SPOCK3: variants seen among roughly 807,000 people sequenced by gnomAD.
The protein encoded by SPOCK3 is testican-3.
Under a neutral mutation model 56.6 loss-of-function variants are expected in SPOCK3, and 30 were observed. That is an observed-to-expected ratio of 0.53 (90% CI 0.40 to 0.72). The LOEUF (loss-of-function observed/expected upper bound fraction) is 0.72. Ranked by LOEUF, SPOCK3 falls within the 30% of genes least tolerant of loss-of-function variation. The pLI is 0.00. For synonymous variants in SPOCK3, 196 were observed against 183.3 expected, an observed-to-expected ratio of 1.07 and a Z score of -0.56; for missense variants, 527 against 530.0, an observed-to-expected ratio of 0.99 and a Z score of 0.06.
intron 6 of SPOCK3, among the ~76,000 whole-genome samples, chr4:166,824,826 A>G (rs150019572): frequency 5.8e-4 from 88 of 152,188 alleles, no homozygotes; most frequent in Non-Finnish European, 1.1e-3. Context: ...CATTATTTTT[A>G]CGTAATTGAC....
At chr4:167,122,098 TTTCTC>T (rs201725668) in intron 2 of SPOCK3, among the ~76,000 whole-genome samples, 2,055 of 151,532 alleles carry the variant, frequency 0.014, 51 homozygotes, top group African/African-American at 0.047. Flanking sequence ...TCTTTTTTCT[TTTCTC>T]TTCTCTTCTC....
chr4:166,745,143 C>T (rs1366775012), intron 8 of SPOCK3, among the ~76,000 whole-genome samples: 1 of 152,102 alleles, frequency 6.6e-6, no homozygotes, highest in Non-Finnish European at 1.5e-5. Flanking sequence ...GAGAACACCA[C>T]AAAGACATTC....
chr4:167,021,514 G>A (rs1219715512), intron 3 of SPOCK3, among the ~76,000 whole-genome samples: 3 of 151,912 alleles, frequency 2.0e-5, no homozygotes, highest in Non-Finnish European at 4.4e-5. Flanking sequence ...GTTCTTATCT[G>A]GGGACTGTGG....
chr4:167,029,748 A>AT lies in SPOCK3; in HGVS notation c.236-29286dup, dbSNP rs150201485. On this transcript the variant is annotated intron_variant, in intron 3 of 10. Coordinates refer to ENST00000357545, the MANE Select transcript of SPOCK3 (RefSeq NM_001040159.2). Reference sequence around the variant, plus strand: ...TTCTTCAATAAGGATGTAGGTATGAATTTTTTCAATCTTTTGTGACATTTG... The same window carrying AT: ...TTCTTCAATAAGGATGTAGGTATGAATTTTTTTCAATCTTTTGTGACATTTG... Among the ~76,000 whole-genome samples the AT allele has an allele frequency of 5.5e-3, 835 of 151,930 alleles. 3 individuals carry two copies. The highest frequency in any genetic ancestry group is 0.011 in the Admixed American group (174 of 15,230).
chr4:167,072,113 A>T (rs1756742181), intron 2 of SPOCK3, among the ~76,000 whole-genome samples: 1 of 151,950 alleles, frequency 6.6e-6, no homozygotes, highest in Admixed American at 6.6e-5. Flanking sequence ...TGATTCTATC[A>T]CTCCCATTGT....
At chr4:167,126,894 T>C (rs1762327740) in intron 2 of SPOCK3, among the ~76,000 whole-genome samples, 1 of 152,152 alleles carries the variant, frequency 6.6e-6, no homozygotes, top group Non-Finnish European at 1.5e-5. Context: ...CAAAATCTCA[T>C]ACTGTTGCTG....
At chr4:167,147,532 T>C (rs1196888107) in intron 2 of SPOCK3, among the ~76,000 whole-genome samples, 1 of 152,158 alleles carries the variant, frequency 6.6e-6, no homozygotes, top group Non-Finnish European at 1.5e-5. Context: ...ATGACACTGT[T>C]CGCAATAATG....
intron 3 of SPOCK3, among the ~76,000 whole-genome samples, chr4:167,020,574 A>T (rs1230186050): frequency 1.3e-5 from 2 of 152,044 alleles, no homozygotes; most frequent in Non-Finnish European, 2.9e-5. Flanking sequence ...CAGTGTTCAT[A>T]CGTCCCTTGT....
chr4:167,045,432 C>T (rs1056453552), intron 3 of SPOCK3, among the ~76,000 whole-genome samples: 1 of 151,930 alleles, frequency 6.6e-6, no homozygotes, highest in Non-Finnish European at 1.5e-5. Flanking sequence ...ATATGTCTTA[C>T]TGTTTTCTAT....
chr4:166,763,930 G>T (rs1189320319), intron 7 of SPOCK3, among the ~76,000 whole-genome samples: 1 of 152,030 alleles, frequency 6.6e-6, no homozygotes, highest in Non-Finnish European at 1.5e-5. Flanking sequence ...CTAAAATCAA[G>T]GTATCTGCAG....
intron 2 of SPOCK3, among the ~76,000 whole-genome samples, chr4:167,113,674 A>G (rs1561230049): frequency 6.6e-6 from 1 of 152,098 alleles, no homozygotes; most frequent in Non-Finnish European, 1.5e-5. Context: ...CAACAGCAGT[A>G]AACCTCATTA....
chr4:167,158,218 T>TA (rs1764977267), intron 2 of SPOCK3, among the ~76,000 whole-genome samples: 1 of 151,982 alleles, frequency 6.6e-6, no homozygotes, highest in Non-Finnish European at 1.5e-5. Flanking sequence ...AGATGTTTTT[T>TA]AAAAAATATA....
At chr4:167,234,554 C>G (rs1424053133), upstream of SPOCK3, 2 of 258,180 alleles carry the variant, frequency 7.7e-6, no homozygotes, top group Non-Finnish European at 1.5e-5. Context: ...CGTCTCGAGC[C>G]GTCCACTCAG....
chr4:167,025,847 T>A (rs548512229), intron 3 of SPOCK3, among the ~76,000 whole-genome samples: 1 of 152,206 alleles, frequency 6.6e-6, no homozygotes, highest in South Asian at 2.1e-4. Context: ...GCAAACATCG[T>A]AGAGTGTACT....
chr4:167,150,552 C>T (rs1433494381), intron 2 of SPOCK3, among the ~76,000 whole-genome samples: 1 of 151,824 alleles, frequency 6.6e-6, no homozygotes. Context: ...GGAGTGCAAA[C>T]CAGCTTAGAC....
chr4:166,964,704 G>A (rs1244737994), intron 4 of SPOCK3, among the ~76,000 whole-genome samples: 2 of 151,568 alleles, frequency 1.3e-5, no homozygotes, highest in South Asian at 2.1e-4. Context: ...AAATATTCCA[G>A]TTCTAAAAGA....
chr4:166,942,471 TAA>T (rs5863849), intron 4 of SPOCK3, among the ~76,000 whole-genome samples: 25 of 121,902 alleles, frequency 2.1e-4, no homozygotes, highest in Middle Eastern at 8.5e-3. Context: ...GGCCTCCACT[TAA>T]AAAAAAAAAA....
chr4:167,203,826 C>A (rs1733761678), intron 2 of SPOCK3, among the ~76,000 whole-genome samples: 1 of 152,074 alleles, frequency 6.6e-6, no homozygotes, highest in Non-Finnish European at 1.5e-5. Context: ...ATAGTTCAAA[C>A]CACTTTTAGC....
At position 167,205,307 on chromosome 4, in the gene SPOCK3, T is replaced by TTA. The variant is rs554395757; in HGVS notation, c.189+28676_189+28677dup. Among the ~76,000 whole-genome samples, 353 of 39,460 alleles carry TTA rather than the reference T, an allele frequency of 8.9e-3. 5 individuals are homozygous for TTA. The highest frequency in any genetic ancestry group is 0.014 in the Non-Finnish European group (289 of 20,678). 25.9% of individuals were successfully genotyped at this position (39,460 alleles called of 152,430 possible). On this transcript the variant is annotated intron_variant, in intron 2 of 10. Coordinates refer to ENST00000357545, the MANE Select transcript of SPOCK3 (RefSeq NM_001040159.2). Reference sequence around the variant, plus strand: ...ATATATTTTATATCTATAATATATATTATATATTTTATATATATAATATAT... The same window carrying TTA: ...ATATATTTTATATCTATAATATATATTATATATATTTTATATATATAATATAT...
Sources: gnomAD v4.1 joint callset for allele counts (sites outside exome capture counted in the v4.1 genomes callset) on GRCh38, gnomAD v4.1.1 for gene constraint, MANE v1.5 for transcripts, NCBI Gene and HGNC (gene_info 2026-07-23, HGNC 2026-07-21) for gene names.